PKP4: variants seen among roughly 807,000 people sequenced by gnomAD.
PKP4 encodes plakophilin 4.
Under a neutral mutation model 145.1 loss-of-function variants are expected in PKP4, and 90 were observed. That is an observed-to-expected ratio of 0.62 (90% CI 0.52 to 0.74). The LOEUF is 0.74. PKP4 is among the 30% of genes least tolerant of loss of function. PKP4 has a pLI of 0.00. For missense variants in PKP4, 1,340 were observed against 1,482.7 expected (o/e 0.90, Z 1.58); for synonymous variants, 563 against 577.2 (o/e 0.98, Z 0.35).
chr2:158,461,649 C>CA (rs754277811), intron 1 of PKP4, among the ~76,000 whole-genome samples: 4 of 150,610 alleles, frequency 2.7e-5, no homozygotes, highest in Non-Finnish European at 5.9e-5. Context: ...ATCCAGAACT[C>CA]ACAATATAGG....
At chr2:158,570,551 T>C (rs2047336153) in intron 2 of PKP4, among the ~76,000 whole-genome samples, 1 of 152,206 alleles carries the variant, frequency 6.6e-6, no homozygotes, top group Non-Finnish European at 1.5e-5. Flanking sequence ...ATAAAAATGC[T>C]TGCTTTCTTA....
intron 2 of PKP4, among the ~76,000 whole-genome samples, chr2:158,543,201 A>C (rs1000925275): frequency 7.9e-5 from 12 of 152,200 alleles, no homozygotes; most frequent in Non-Finnish European, 1.3e-4. Flanking sequence ...TATACGTACA[A>C]ATCGAGCATC....
At chr2:158,539,220 TAAG>T in intron 2 of PKP4, among the ~76,000 whole-genome samples, 1 of 152,272 alleles carries the variant, frequency 6.6e-6, no homozygotes, top group African/African-American at 2.4e-5. Context: ...GAAGATAAAA[TAAG>T]AAAATCTGAA....
At chr2:158,521,827 A>G (rs1161486330) in intron 1 of PKP4, among the ~76,000 whole-genome samples, 1 of 152,036 alleles carries the variant, frequency 6.6e-6, no homozygotes, top group African/African-American at 2.4e-5. Flanking sequence ...ATATGATGAT[A>G]CTCCTAGCAA....
chr2:158,627,189 A>G (rs1295864575), intron 7 of PKP4, among the ~76,000 whole-genome samples: 1 of 152,192 alleles, frequency 6.6e-6, no homozygotes, highest in Non-Finnish European at 1.5e-5. Context: ...ATGCAGCAAA[A>G]TGATGTAGGA....
intron 1 of PKP4, among the ~76,000 whole-genome samples, chr2:158,460,569 C>G (rs1689610830): frequency 6.6e-6 from 1 of 152,160 alleles, no homozygotes; most frequent in African/African-American, 2.4e-5. Flanking sequence ...TTACCTGACT[C>G]TTTTGAAATA....
chr2:158,601,951 C>A (rs2050268618), intron 3 of PKP4, among the ~76,000 whole-genome samples: 4 of 152,040 alleles, frequency 2.6e-5, no homozygotes, highest in Admixed American at 2.6e-4. Flanking sequence ...TTTCCTTAAG[C>A]CCAGAGTCAC....
At chr2:158,506,322 T>C (rs1020021932) in intron 1 of PKP4, among the ~76,000 whole-genome samples, 1 of 152,224 alleles carries the variant, frequency 6.6e-6, no homozygotes, top group African/African-American at 2.4e-5. Context: ...CTCCTGTTTT[T>C]ATAATTTTTT....
intron 4 of PKP4, among the ~76,000 whole-genome samples, chr2:158,611,969 A>C (rs931300456): frequency 2.6e-5 from 4 of 151,962 alleles, no homozygotes; most frequent in Non-Finnish European, 5.9e-5. Flanking sequence ...CCACTATAAA[A>C]GCTCTTCTTA....
rs1440332046 is a variant in PKP4, at chr2:158,495,824, ACT to A, written c.-5-37353_-5-37352del. On this transcript the variant is annotated intron_variant, in intron 1 of 21. Transcript: ENST00000389759. ...ACTCCAGCCTGGGCGACAGAGCAAG[ACT>A]CTGTCTCTAAATAAATAAATAAATA... Among the ~76,000 whole-genome samples, 4 of 141,414 alleles carry A rather than the reference ACT, an allele frequency of 2.8e-5. No individual in the cohort carries two copies. In the South Asian group the frequency reaches 6.7e-4, roughly 24 times the overall value. The allele number at this position is 141,414 out of a possible 152,430, so 92.8% of individuals were successfully genotyped here. A position where few individuals can be genotyped will look rare whatever the true frequency, so the allele number is the denominator to read the frequency against.
At chr2:158,678,241 G>A (rs766310533) in intron 20 of PKP4, among the ~76,000 whole-genome samples, 2 of 152,206 alleles carry the variant, frequency 1.3e-5, no homozygotes, top group South Asian at 2.1e-4. Context: ...TCAGGATCCC[G>A]TGCTGCTGTC....
At chr2:158,492,744 C>T (rs1695127152) in intron 1 of PKP4, among the ~76,000 whole-genome samples, 1 of 152,174 alleles carries the variant, frequency 6.6e-6, no homozygotes, top group South Asian at 2.1e-4. Context: ...CATTTTCCTC[C>T]TGCGTACCTT....
At chr2:158,670,310 G>A (rs2057446840) in intron 17 of PKP4, among the ~76,000 whole-genome samples, 1 of 152,196 alleles carries the variant, frequency 6.6e-6, no homozygotes, top group Admixed American at 6.5e-5. Flanking sequence ...CCCGATTCTG[G>A]TTCATAGATG....
intron 1 of PKP4, among the ~76,000 whole-genome samples, chr2:158,495,623 C>G (rs1328804118): frequency 6.6e-6 from 1 of 151,898 alleles, no homozygotes; most frequent in African/African-American, 2.4e-5. Context: ...GACTTGAGGT[C>G]AGGAGTTCAA....
Position 158,674,018 on chromosome 2 carries a change from A to T in PKP4, c.3127+18A>T, listed in dbSNP as rs2057790543. 1 of 1,315,276 alleles carries T rather than the reference A, an allele frequency of 7.6e-7. No homozygotes were observed. The highest frequency in any genetic ancestry group is 1.4e-5 in the African/African-American group (1 of 69,292). The allele number at this position is 1,315,276 out of a possible 1,614,324, so 81.5% of individuals were successfully genotyped here. A position where few individuals can be genotyped will look rare whatever the true frequency, so the allele number is the denominator to read the frequency against. On this transcript the variant is annotated intron_variant, in intron 19 of 21. Coordinates refer to ENST00000389759, the MANE Select transcript of PKP4 (RefSeq NM_003628.6). ...TCAGTCAGGTCAGTGGGAAAATGCC[A>T]CTCCTTGGCGAGAACCTTTGTGTGA...
intron 3 of PKP4, among the ~76,000 whole-genome samples, chr2:158,593,335 T>G (rs1002022198): frequency 1.3e-5 from 2 of 152,172 alleles, no homozygotes; most frequent in African/African-American, 4.8e-5. Context: ...CTTTCAAATG[T>G]CACTTGAAAT....
chr2:158,649,796 G>A (rs1023933033), intron 11 of PKP4, among the ~76,000 whole-genome samples: 1 of 152,132 alleles, frequency 6.6e-6, no homozygotes, highest in Non-Finnish European at 1.5e-5. Context: ...TTGACTAGAC[G>A]TCCTACAAAT....
intron 9 of PKP4, among the ~76,000 whole-genome samples, chr2:158,637,267 G>A (rs1429571760): frequency 6.6e-6 from 1 of 152,086 alleles, no homozygotes; most frequent in Admixed American, 6.5e-5. Context: ...TGGCCTTTGT[G>A]GAGTCTTGAC....
chr2:158,561,802 T>C (rs533753021), intron 2 of PKP4, among the ~76,000 whole-genome samples: 1 of 152,192 alleles, frequency 6.6e-6, no homozygotes, highest in South Asian at 2.1e-4. Flanking sequence ...TCTTTTTTTT[T>C]TTTTAATTTA....
Sources: allele counts gnomAD v4.1 joint callset (sites outside exome capture counted in the v4.1 genomes callset), GRCh38; gene constraint gnomAD v4.1.1; transcripts MANE v1.5; gene names NCBI Gene and HGNC (gene_info 2026-07-23, HGNC 2026-07-21).